The following LY96 variants were observed in gnomAD, a reference collection of about 807,000 sequenced individuals.
LY96 encodes lymphocyte antigen 96.
Under a neutral mutation model 18.9 loss-of-function variants are expected in LY96, and 18 were observed. That is an observed-to-expected ratio of 0.95 (90% confidence interval 0.66 to 1.41). The LOEUF (loss-of-function observed/expected upper bound fraction) is 1.41. Among genes scored for constraint, LY96 ranks in the 40% most tolerant of loss-of-function variants. LY96 has a pLI of 0.00. For missense variants in LY96, 175 were observed against 182.4 expected, an observed-to-expected ratio of 0.96 and a Z score of 0.23; for synonymous variants, 66 against 62.6, an observed-to-expected ratio of 1.06 and a Z score of -0.26.
chr8:74,083,237 C>T, the LY96 span, among the ~76,000 whole-genome samples: 25 of 151,824 alleles, frequency 1.6e-4, no homozygotes, highest in Non-Finnish European at 3.2e-4. Flanking sequence ...TTTTTTGAGA[C>T]GTAGTCTTGT....
chr8:74,084,088 T>C, the LY96 span, among the ~76,000 whole-genome samples: 44 of 152,254 alleles, frequency 2.9e-4, no homozygotes, highest in East Asian at 2.9e-3. Context: ...CCAGTAGAGT[T>C]TCCCATAGTC....
the LY96 span, among the ~76,000 whole-genome samples, chr8:74,042,700 G>A: frequency 3.9e-5 from 6 of 152,048 alleles, no homozygotes; most frequent in Admixed American, 6.5e-5. Flanking sequence ...TTGTACAGAG[G>A]TCTAGGTTCT....
the LY96 span, among the ~76,000 whole-genome samples, chr8:74,046,960 TG>T: frequency 6.7e-5 from 10 of 149,564 alleles, no homozygotes; most frequent in African/African-American, 2.5e-4. Context: ...GGAGTGCAGA[TG>T]CATGATCTTG....
Position 74,009,253 on chromosome 8 carries a change from G to A in LY96, c.203-748G>A, listed in dbSNP as rs946987675. Among the ~76,000 whole-genome samples the A allele has an allele frequency of 2.0e-5, 3 of 151,446 alleles. No individual in the cohort carries two copies. The South Asian group carries it at 6.3e-4, about 32-fold the overall frequency. Reference sequence around the variant, plus strand: ...CTACTAAAAATACAAAAATTAGCTGGGCACGGTGGTAGGCGCCTGTAATCC... The same window carrying A: ...CTACTAAAAATACAAAAATTAGCTGAGCACGGTGGTAGGCGCCTGTAATCC... On this transcript the variant is annotated intron_variant, in intron 2 of 4. Transcript: ENST00000284818.
the LY96 span, among the ~76,000 whole-genome samples, chr8:74,070,556 C>T: frequency 0.084 from 12,712 of 152,016 alleles, 927 homozygotes; most frequent in African/African-American, 0.2. Flanking sequence ...CTTTTTGATG[C>T]TTATGTTACC....
chr8:74,075,617 C>T, the LY96 span, among the ~76,000 whole-genome samples: 9 of 151,964 alleles, frequency 5.9e-5, no homozygotes, highest in Non-Finnish European at 1.2e-4. Context: ...GGAAATGTAT[C>T]GATATAGTTT....
the LY96 span, among the ~76,000 whole-genome samples, chr8:74,044,588 T>C: frequency 4.0e-5 from 6 of 151,178 alleles, no homozygotes; most frequent in Admixed American, 1.3e-4. Context: ...AAAAAAAAAA[T>C]TGGAGCTGAT....
At chr8:74,057,993 A>T in the LY96 span, among the ~76,000 whole-genome samples, 2 of 152,180 alleles carry the variant, frequency 1.3e-5, no homozygotes, top group African/African-American at 4.8e-5. Flanking sequence ...GCCTGCCGTG[A>T]TTACCTTCTT....
intron 1 of LY96, among the ~76,000 whole-genome samples, chr8:73,998,079 G>T (rs904702304): frequency 2.0e-5 from 3 of 152,146 alleles, no homozygotes; most frequent in Admixed American, 1.3e-4. Context: ...TCTCATCATG[G>T]CTTGGTCTTT....
At chr8:74,017,741 A>G (rs1225106742) in intron 3 of LY96, among the ~76,000 whole-genome samples, 6 of 152,240 alleles carry the variant, frequency 3.9e-5, no homozygotes, top group Non-Finnish European at 4.4e-5. Flanking sequence ...AGTGGTGGCC[A>G]ATATTCAACA....
At chr8:74,045,222 G>A in the LY96 span, among the ~76,000 whole-genome samples, 1 of 152,190 alleles carries the variant, frequency 6.6e-6, no homozygotes, top group Non-Finnish European at 1.5e-5. Context: ...GGGCATTAGA[G>A]AGGATAAAAA....
At chr8:74,032,556 A>C (rs10105180), downstream of LY96, among the ~76,000 whole-genome samples, 8,551 of 152,242 alleles carry the variant, frequency 0.056, 783 homozygotes, top group African/African-American at 0.19. Flanking sequence ...TTAGAGTTGT[A>C]AGCCCTTAAA....
intron 3 of LY96, among the ~76,000 whole-genome samples, chr8:74,022,795 G>A (rs1816796165): frequency 6.6e-6 from 1 of 151,992 alleles, no homozygotes; most frequent in South Asian, 2.1e-4. Context: ...TGGCCAGGCT[G>A]GTCTCAAACT....
chr8:74,055,960 C>T, the LY96 span: 1 of 152,562 alleles, frequency 6.6e-6, no homozygotes, highest in African/African-American at 2.4e-5. Context: ...ATAACATTTT[C>T]TAAGAAGACT....
Position 73,993,536 on chromosome 8 carries a change from G to A in LY96, c.112+1982G>A, listed in dbSNP as rs903762553. Among the ~76,000 whole-genome samples the A allele has an allele frequency of 5.9e-5, 9 of 151,992 alleles. No homozygotes were observed. In the East Asian group the frequency reaches 1.7e-3, roughly 29 times the overall value. ...TGGCTCACTGCAACGACCGCCTCCT[G>A]GGTTCAAGTGATTCTCCTGCCTCAG... On this transcript the variant is annotated intron_variant, in intron 1 of 4. Transcript: ENST00000284818.
At chr8:74,062,590 G>A in the LY96 span, among the ~76,000 whole-genome samples, 1 of 152,046 alleles carries the variant, frequency 6.6e-6, no homozygotes, top group Non-Finnish European at 1.5e-5. Flanking sequence ...CCTTTTTATG[G>A]CTGCATAGTA....
downstream of LY96, among the ~76,000 whole-genome samples, chr8:74,033,411 C>T (rs911222027): frequency 6.6e-6 from 1 of 152,168 alleles, no homozygotes; most frequent in African/African-American, 2.4e-5. Flanking sequence ...AATACTGAGG[C>T]AAATTAAGAT....
At chr8:74,065,290 C>A in the LY96 span, among the ~76,000 whole-genome samples, 3,714 of 152,250 alleles carry the variant, frequency 0.024, 127 homozygotes, top group African/African-American at 0.082. Flanking sequence ...TTCTCAGGAC[C>A]TTTTGAGACT....
the LY96 span, among the ~76,000 whole-genome samples, chr8:74,071,249 C>A: frequency 7.3e-6 from 1 of 137,336 alleles, no homozygotes. Context: ...CTTACAAGGA[C>A]TTTTTTTTTT....
Sources: gnomAD v4.1 joint callset for allele counts (sites outside exome capture counted in the v4.1 genomes callset) on GRCh38, gnomAD v4.1.1 for gene constraint, MANE v1.5 for transcripts, NCBI Gene and HGNC (gene_info 2026-07-23, HGNC 2026-07-21) for gene names.